Variants in SAMD9 observed in about 807,000 individuals in gnomAD.
SAMD9 encodes sterile alpha motif domain containing 9, also known as sterile alpha motif domain-containing protein 9.
Under a neutral mutation model 1.5 loss-of-function variants are expected in SAMD9, and 3 were observed. The observed-to-expected ratio is 2.05, with a 90% CI of 0.93 to 5.29. The LOEUF is 5.29. Among genes scored for constraint, SAMD9 ranks in the 30% most tolerant of loss-of-function variants. SAMD9 has a pLI of 0.02. For missense variants in SAMD9, 1,597 were observed against 1,820.8 expected (o/e 0.88, Z 2.24); for synonymous variants, 635 against 631.9 (o/e 1.00, Z -0.07).
At chr7:93,112,045 C>T (rs561162549) in intron 2 of SAMD9, among the ~76,000 whole-genome samples, 2 of 152,278 alleles carry the variant, frequency 1.3e-5, no homozygotes, top group South Asian at 2.1e-4. Context: ...AACATCGATG[C>T]AAAAATCCCA....
chr7:93,110,332 G>A (rs191306161), intron 2 of SAMD9, among the ~76,000 whole-genome samples: 2 of 152,098 alleles, frequency 1.3e-5, no homozygotes, highest in Non-Finnish European at 1.5e-5. Context: ...AGGAAAATCC[G>A]GTACCAGCCA....
rs749274318 is a variant in SAMD9 at position 93,101,584 on chromosome 7, G to A, written c.4514C>T (p.Thr1505Ile). ...CTGCCACAAGGAATTAATATCTGGT[G>A]TCTTCTTAAAGCACTGGTCAATTTT... is the stretch of plus-strand genomic sequence containing the variant. ...KGKIDQCFKK[T>I]PDINSLWQSG... Residue 1505 changes from threonine to isoleucine, a missense_variant, in exon 3 of 3, where the codon ACA becomes ATA. By Grantham distance (89) the Thr-to-Ile change is moderately conservative (BLOSUM62 -1). Around this residue, in one of 6 missense-constraint regions of SAMD9, gnomAD observed 682 missense variants for 810.0 expected, o/e 0.84. Transcript: ENST00000379958. 1 of 1,613,870 alleles carries A rather than the reference G, an allele frequency of 6.2e-7. No homozygotes were observed. The highest frequency in any genetic ancestry group is 1.1e-5 in the South Asian group (1 of 91,080).
chr7:93,104,357 G>A lies in SAMD9; in HGVS notation c.1741C>T (p.His581Tyr). Residue 581 changes from histidine (H) to tyrosine (Y), a missense_variant, in exon 3 of 3, where the codon CAC becomes TAC. Coordinates refer to ENST00000379958, the MANE Select transcript of SAMD9 (RefSeq NM_017654.4). ...ENILCICVHP[H>Y]IFQGWKDLLE... is the part of the protein sequence containing the mutation. ...AGATCTTTCCATCCCTGAAATATGT[G>A]TGGGTGCACACAAATACACAGTATA... The A allele has an allele frequency of 1.2e-6, 2 of 1,613,842 alleles. No homozygotes were observed. The highest frequency in any genetic ancestry group is 1.7e-6 in the Non-Finnish European group (2 of 1,179,822).
At position 93,105,397 on chromosome 7, in the gene SAMD9, G is replaced by A. The variant is rs769996643; in HGVS notation, c.701C>T (p.Thr234Ile). The A allele has an allele frequency of 1.9e-6, 3 of 1,613,996 alleles. No individual in the cohort carries two copies. The East Asian group carries it at 6.7e-5, about 36-fold the overall frequency. Residue 234 changes from threonine (T) to isoleucine (I), a missense_variant, in exon 3 of 3, where the codon ACT (threonine) becomes ATT (isoleucine). Coordinates refer to ENST00000379958, the MANE Select transcript of SAMD9 (RefSeq NM_017654.4). Reference sequence around the variant, plus strand: ...TTTGTCTTTGACTCCAAAATGAATAGTGCCATTGGTACGTGAATTCATACA... The same window carrying A: ...TTTGTCTTTGACTCCAAAATGAATAATGCCATTGGTACGTGAATTCATACA... ...SACMNSRTNG[T>I]IHFGVKDKPH...
chr7:93,105,807 T>C lies in SAMD9; in HGVS notation c.291A>G (p.Lys97=), dbSNP rs1429968456. ...KMGKPSKNAP[K]DQTVSQKERR... ...GTTCCTTTTGAGACACAGTTTGGTC[T>C]TTAGGAGCATTTTTACTGGGCTTTC... The change falls in exon 3 of 3, where the codon AAA becomes AAG. Residue 97 remains lysine, a synonymous_variant. Transcript: ENST00000379958. 2.5e-6 allele frequency: 4 copies of C among 1,614,042 alleles called. No individual in the cohort carries two copies. Among genetic ancestry groups the C allele is most frequent in the Non-Finnish European group, 3.4e-6 (4 of 1,180,022 alleles).
intron 2 of SAMD9, among the ~76,000 whole-genome samples, chr7:93,108,701 T>C (rs562320557): frequency 6.6e-6 from 1 of 152,298 alleles, no homozygotes; most frequent in Admixed American, 6.5e-5. Context: ...CCTCACTCAC[T>C]GCTAGCACAG....
chr7:93,112,471 T>G (rs1244538386), intron 2 of SAMD9, among the ~76,000 whole-genome samples: 1 of 152,090 alleles, frequency 6.6e-6, no homozygotes, highest in East Asian at 1.9e-4. Context: ...TTAGGCAGGA[T>G]AAAGAAATAA....
chr7:93,106,999 C>T (rs530597993), intron 2 of SAMD9, among the ~76,000 whole-genome samples: 6 of 152,192 alleles, frequency 3.9e-5, no homozygotes, highest in African/African-American at 1.4e-4. Flanking sequence ...GTTCCTTACC[C>T]AAGATGTGTT....
rs772597625 is a variant in SAMD9 at position 93,104,170 on chromosome 7, T to C, written c.1928A>G (p.Lys643Arg). 2 of 1,613,990 alleles carry C rather than the reference T, an allele frequency of 1.2e-6. No individual in the cohort carries two copies. The highest frequency in any genetic ancestry group is 2.2e-5 in the South Asian group (2 of 91,082). Reference sequence around the variant, plus strand: ...AGCAGTCATGATATCTTCTTCCTTTTTCAGAAGGACAGTCGATAAACCAAT... The same window carrying C: ...AGCAGTCATGATATCTTCTTCCTTTCTCAGAAGGACAGTCGATAAACCAAT... ...PSIGLSTVLL[K>R]KEEDIMTALE... The change falls in exon 3 of 3, where the codon AAA (lysine) becomes AGA (arginine). Residue 643 changes from lysine (K) to arginine (R), a missense_variant. Lys to Arg is a conservative substitution (Grantham distance 26, BLOSUM62 2). This residue lies in a region of SAMD9 where 358 missense variants were observed against 460.4 expected (regional missense o/e 0.78). Coordinates refer to ENST00000379958, the MANE Select transcript of SAMD9 (RefSeq NM_017654.4).
intron 2 of SAMD9, among the ~76,000 whole-genome samples, chr7:93,111,484 C>G (rs1226895564): frequency 1.3e-5 from 2 of 151,238 alleles, no homozygotes; most frequent in Non-Finnish European, 2.9e-5. Context: ...GATAGAGACA[C>G]AAAAAACCCT....
chr7:93,103,263 T>C lies in SAMD9; in HGVS notation c.2835A>G (p.Gly945=). 6.2e-7 allele frequency: 1 copy of C among 1,613,798 alleles called. No individual in the cohort carries two copies. The highest frequency in any genetic ancestry group is 8.5e-7 in the Non-Finnish European group (1 of 1,179,774). Residue 945 remains glycine, a synonymous_variant, in exon 3 of 3, where the codon GGA becomes GGG. Coordinates refer to ENST00000379958, the MANE Select transcript of SAMD9 (RefSeq NM_017654.4). ...CTGTCCCCCAGAAAGCCTTCTTGTT[T>C]CCAATTCCTAAGAATTTTTCACACT... ...LSQCEKFLGI[G]NKKAFWGTEK...
intron 2 of SAMD9, among the ~76,000 whole-genome samples, chr7:93,113,485 G>A (rs543093784): frequency 1.3e-5 from 2 of 152,142 alleles, no homozygotes; most frequent in Non-Finnish European, 2.9e-5. Context: ...CTTCTGCACA[G>A]CAAAAGAAAC....
chr7:93,108,235 G>A (rs76689202), intron 2 of SAMD9, among the ~76,000 whole-genome samples: 2,582 of 152,216 alleles, frequency 0.017, 72 homozygotes, highest in African/African-American at 0.059. Context: ...TGTGATGTCC[G>A]GGGGACTGCA....
chr7:93,117,818 G>A lies in SAMD9; in HGVS notation c.-110+45C>T, dbSNP rs377471620. 21 of 152,264 alleles carry A rather than the reference G, an allele frequency of 1.4e-4. No homozygotes were observed. In the East Asian group the frequency reaches 3.5e-3, roughly 25 times the overall value. The allele number at this position is 152,264 out of a possible 1,614,324, so 9.4% of individuals were successfully genotyped here. On this transcript the variant is annotated intron_variant, in intron 1 of 2. Coordinates refer to ENST00000379958, the MANE Select transcript of SAMD9 (RefSeq NM_017654.4). ...ATTTCTTTCTATTCAATAAAATGCTGCTATAGATAGTAAGAACAATATTAA... is the reference window on the plus strand; with the variant it reads ...ATTTCTTTCTATTCAATAAAATGCTACTATAGATAGTAAGAACAATATTAA...
chr7:93,110,918 A>G (rs974927410), intron 2 of SAMD9, among the ~76,000 whole-genome samples: 11 of 152,348 alleles, frequency 7.2e-5, no homozygotes, highest in African/African-American at 2.6e-4. Context: ...GTTAACAACG[A>G]TATCCAGGAA....
At position 93,105,839 on chromosome 7, in the gene SAMD9, T is replaced by C; in HGVS notation, c.259A>G (p.Lys87Glu). ...TAIEDSIQTS[K>E]MGKPSKNAPK... ...GCATTTTTACTGGGCTTTCCCATCT[T>C]AGATGTCTGAATCGAATCTTCAATG... Residue 87 changes from lysine to glutamate, a missense_variant, in exon 3 of 3, where the codon AAG becomes GAG. By Grantham distance (56) the Lys-to-Glu change is moderately conservative. Coordinates refer to ENST00000379958, the MANE Select transcript of SAMD9 (RefSeq NM_017654.4). 1.9e-6 allele frequency: 3 copies of C among 1,614,184 alleles called. No homozygotes were observed. The highest frequency in any genetic ancestry group is 2.5e-6 in the Non-Finnish European group (3 of 1,180,024).
chr7:93,110,771 A>G (rs921914537), intron 2 of SAMD9, among the ~76,000 whole-genome samples: 3 of 152,220 alleles, frequency 2.0e-5, no homozygotes, highest in African/African-American at 7.2e-5. Context: ...CTAAATATAT[A>G]TGCACCCAAT....
chr7:93,115,278 G>A (rs1292619610), intron 1 of SAMD9, among the ~76,000 whole-genome samples: 1 of 152,210 alleles, frequency 6.6e-6, no homozygotes, highest in African/African-American at 2.4e-5. Context: ...TATGCTGTCT[G>A]TGGGAATGTA....
At chr7:93,111,383 C>A (rs147648353) in intron 2 of SAMD9, among the ~76,000 whole-genome samples, 7,404 of 152,166 alleles carry the variant, frequency 0.049, 308 homozygotes, top group African/African-American at 0.11. Context: ...ACCCTAACAT[C>A]ACAATTAAAA....
Sources: allele counts gnomAD v4.1 joint callset (sites outside exome capture counted in the v4.1 genomes callset), GRCh38; gene constraint gnomAD v4.1.1; regional missense constraint gnomAD v4.1.1; transcripts MANE v1.5; gene names NCBI Gene and HGNC (gene_info 2026-07-23, HGNC 2026-07-21).